The following EHBP1 variants were observed in gnomAD, a reference collection of about 807,000 sequenced individuals.
The protein encoded by EHBP1 is EH domain binding protein 1, also known as EH domain-binding protein 1.
EHBP1 carries 55 observed loss-of-function variants against 144.0 expected under a neutral mutation model. The observed-to-expected ratio is 0.38, with a 90% CI of 0.31 to 0.48. The LOEUF (loss-of-function observed/expected upper bound fraction) is 0.48. EHBP1 is among the 20% of genes least tolerant of loss of function. EHBP1 has a pLI of 0.98. For synonymous variants in EHBP1, 469 were observed against 472.7 expected (o/e 0.99, Z 0.10); for missense variants, 1,200 against 1,364.2 (o/e 0.88, Z 1.90).
chr2:62,675,868 T>C (rs2033269176), intron 1 of EHBP1, among the ~76,000 whole-genome samples: 1 of 152,214 alleles, frequency 6.6e-6, no homozygotes, highest in Non-Finnish European at 1.5e-5. Context: ...TCCTCCCACT[T>C]AAGCTTCCCA....
At chr2:62,875,907 C>A (rs565779674) in intron 10 of EHBP1, among the ~76,000 whole-genome samples, 1 of 152,180 alleles carries the variant, frequency 6.6e-6, no homozygotes, top group South Asian at 2.1e-4. Flanking sequence ...ACCAATTCTT[C>A]TAAACAGCTC....
intron 1 of EHBP1, among the ~76,000 whole-genome samples, chr2:62,699,438 T>C (rs1351698395): frequency 6.6e-6 from 1 of 152,240 alleles, no homozygotes; most frequent in Non-Finnish European, 1.5e-5. Flanking sequence ...TCTTTGCTGC[T>C]ATAATCCCAG....
At chr2:62,732,953 A>G (rs2037756097) in intron 2 of EHBP1, among the ~76,000 whole-genome samples, 2 of 152,028 alleles carry the variant, frequency 1.3e-5, no homozygotes, top group African/African-American at 4.8e-5. Context: ...CATCATTTCT[A>G]TTAGTGTTTT....
At chr2:62,951,534 T>TGG (rs70962799) in intron 13 of EHBP1, among the ~76,000 whole-genome samples, 139 of 92,292 alleles carry the variant, frequency 1.5e-3, no homozygotes, top group Non-Finnish European at 2.1e-3. Context: ...TTTTTTTTTT[T>TGG]GGGGGGGGGG....
chr2:62,861,470 G>A (rs188328839), intron 8 of EHBP1, among the ~76,000 whole-genome samples: 10 of 150,800 alleles, frequency 6.6e-5, no homozygotes, highest in African/African-American at 9.7e-5. Context: ...TCGGCCGGGC[G>A]CGGTGGTTCA....
At chr2:63,025,116 G>T (rs2060918976) in intron 19 of EHBP1, among the ~76,000 whole-genome samples, 1 of 152,158 alleles carries the variant, frequency 6.6e-6, no homozygotes, top group Admixed American at 6.5e-5. Flanking sequence ...ATTTATAGAT[G>T]ATAAAAATGT....
At chr2:62,768,554 C>G (rs903325553) in intron 4 of EHBP1, among the ~76,000 whole-genome samples, 41 of 152,248 alleles carry the variant, frequency 2.7e-4, no homozygotes, top group Admixed American at 2.2e-3. Flanking sequence ...AAGCCCAGGA[C>G]CAGATGAGTT....
chr2:62,713,253 CTTT>C (rs36061722), intron 2 of EHBP1, among the ~76,000 whole-genome samples: 8 of 136,628 alleles, frequency 5.9e-5, no homozygotes, highest in Admixed American at 7.4e-5. Context: ...GTGCTAAACT[CTTT>C]TTTTTTTTTT....
intron 20 of EHBP1, 69 bp downstream of exon 20, chr2:63,037,703 T>C (rs1462158955): frequency 2.4e-6 from 2 of 845,858 alleles, no homozygotes; most frequent in Non-Finnish European, 3.7e-6. Context: ...GTTATTGCCT[T>C]CTTTGGGATT....
At chr2:62,917,109 G>A (rs1464618478) in intron 10 of EHBP1, among the ~76,000 whole-genome samples, 2 of 152,120 alleles carry the variant, frequency 1.3e-5, no homozygotes, top group Non-Finnish European at 2.9e-5. Flanking sequence ...TAGGTTATAT[G>A]ATATGGCCTA....
chr2:62,720,196 G>T (rs143053745), intron 2 of EHBP1, among the ~76,000 whole-genome samples: 90 of 152,210 alleles, frequency 5.9e-4, no homozygotes, highest in African/African-American at 1.9e-3. Context: ...TTTTGGCTTG[G>T]GGGTGAGGGA....
intron 14 of EHBP1, among the ~76,000 whole-genome samples, chr2:62,956,368 A>T (rs920638303): frequency 2.0e-5 from 3 of 152,214 alleles, no homozygotes; most frequent in African/African-American, 4.8e-5. Flanking sequence ...ATGTGTTAGT[A>T]GTTGTTTTTC....
At position 63,037,593 on chromosome 2, in the gene EHBP1, GA is replaced by G; in HGVS notation, c.3167del (p.Asn1056MetfsTer3). 1 of 1,605,228 alleles carries G rather than the reference GA, an allele frequency of 6.2e-7. No individual in the cohort carries two copies. The highest frequency in any genetic ancestry group is 8.5e-7 in the Non-Finnish European group (1 of 1,175,370). ...AGGAATGGTTTATGTTAGTTAATAA[GA>G]AAAATGCCTTAATAAGGAGAATGAA... is the stretch of plus-strand genomic sequence containing the variant. ...MQEWFMLVNK[K>X]NALIRRMNQL... On this transcript the variant is annotated frameshift_variant, in exon 20 of 23. Transcript: ENST00000431489. LOFTEE classifies it high-confidence loss of function.
intron 5 of EHBP1, among the ~76,000 whole-genome samples, chr2:62,812,146 C>G (rs1454257456): frequency 6.6e-6 from 1 of 152,192 alleles, no homozygotes; most frequent in Admixed American, 6.5e-5. Context: ...CCACCTTTCA[C>G]TTTGCGATAA....
At chr2:62,983,085 A>C (rs921614857) in intron 15 of EHBP1, among the ~76,000 whole-genome samples, 6 of 152,176 alleles carry the variant, frequency 3.9e-5, no homozygotes, top group Non-Finnish European at 7.3e-5. Context: ...AAAACCAGGT[A>C]GTGTATTACA....
chr2:62,857,209 C>A (rs1424441389), intron 7 of EHBP1, among the ~76,000 whole-genome samples: 1 of 152,034 alleles, frequency 6.6e-6, no homozygotes, highest in East Asian at 1.9e-4. Flanking sequence ...GCAAAAAAAA[C>A]CTCTTTACTT....
chr2:62,905,465 A>G (rs533845935), intron 10 of EHBP1, among the ~76,000 whole-genome samples: 7 of 152,296 alleles, frequency 4.6e-5, no homozygotes, highest in African/African-American at 1.7e-4. Context: ...TGTTATTCCA[A>G]GGATGCCAGC....
At chr2:62,891,738 G>A (rs907370218) in intron 10 of EHBP1, among the ~76,000 whole-genome samples, 7 of 151,930 alleles carry the variant, frequency 4.6e-5, no homozygotes, top group African/African-American at 1.7e-4. Flanking sequence ...CATCCTCTTC[G>A]CAGACTTGCA....
At chr2:63,044,693 T>A (rs1469186215) in intron 21 of EHBP1, 1 of 164,108 alleles carries the variant, frequency 6.1e-6, no homozygotes. Context: ...CATCACTGTT[T>A]CCCGCCTCCT....
Sources: gnomAD v4.1 joint callset for allele counts (sites outside exome capture counted in the v4.1 genomes callset) on GRCh38, gnomAD v4.1.1 for gene constraint, MANE v1.5 for transcripts, NCBI Gene and HGNC (gene_info 2026-07-23, HGNC 2026-07-21) for gene names.